ANKHD1: variants seen among roughly 807,000 people sequenced by gnomAD.
ANKHD1 encodes ankyrin repeat and KH domain-containing protein 1.
A neutral mutation model predicts 230.5 loss-of-function variants in ANKHD1; 31 were observed. That is an observed-to-expected ratio of 0.13 (90% CI 0.10 to 0.18). The LOEUF is 0.18. Among genes scored for constraint, ANKHD1 ranks in the 10% least tolerant of loss-of-function variants. ANKHD1 has a pLI of 1.00. For synonymous variants in ANKHD1, 1,074 were observed against 1,117.6 expected (o/e 0.96, Z 0.78); for missense variants, 2,256 against 3,071.3 (o/e 0.73, Z 6.27).
intron 15 of ANKHD1, among the ~76,000 whole-genome samples, chr5:140,499,161 T>C (rs1334983139): frequency 6.6e-6 from 1 of 152,056 alleles, no homozygotes; most frequent in African/African-American, 2.4e-5. Flanking sequence ...CTATGTGTTT[T>C]GAACTATATG....
In ANKHD1 at chr5:140,458,877, C is replaced by T; in HGVS notation, c.1480+15C>T. On this transcript the variant is annotated intron_variant, in intron 8 of 33. Coordinates refer to ENST00000360839, the MANE Select transcript of ANKHD1 (RefSeq NM_017747.3). ...CTTAGCACAAGGTAAAGCAGTTTTA[C>T]TTCTTTTAGAAAAATCAGTTTTCTT... 6.4e-7 allele frequency: 1 copy of T among 1,574,482 alleles called. No homozygotes were observed. The highest frequency in any genetic ancestry group is 8.6e-7 in the Non-Finnish European group (1 of 1,157,970).
Position 140,529,566 on chromosome 5 carries a change from C to T in ANKHD1, c.6620C>T (p.Ala2207Val). Residue 2207 changes from alanine to valine, a missense_variant, in exon 29 of 34, where the codon GCC becomes GTC. Ala to Val is a moderately conservative substitution (Grantham distance 64). Around this residue, in one of 13 missense-constraint regions of ANKHD1, gnomAD observed 778 missense variants for 966.5 expected, o/e 0.80. Transcript: ENST00000360839. ...NKSLPPTFGP[A>V]TLFNHFSSLF... ...TCTTTGCCACCTACATTTGGCCCAG[C>T]CACACTTTTCAATCACTTCAGCAGT... 2 of 1,614,212 alleles carry T rather than the reference C, an allele frequency of 1.2e-6. No individual in the cohort carries two copies. Among genetic ancestry groups the T allele is most frequent in the Non-Finnish European group, 1.7e-6 (2 of 1,180,032 alleles).
intron 24 of ANKHD1, among the ~76,000 whole-genome samples, chr5:140,520,931 A>T (rs1350645262): frequency 1.4e-5 from 2 of 138,410 alleles, no homozygotes; most frequent in Admixed American, 7.0e-5. Context: ...AAGTATAATA[A>T]AAAAAAAAAA....
At chr5:140,496,014 T>C (rs1458298706) in intron 14 of ANKHD1, among the ~76,000 whole-genome samples, 1 of 152,200 alleles carries the variant, frequency 6.6e-6, no homozygotes, top group East Asian at 1.9e-4. Context: ...CACTATCCCC[T>C]ACTTTGATCT....
chr5:140,507,215 A>G lies in ANKHD1; in HGVS notation c.3551+238A>G. 6.6e-6 allele frequency among the ~76,000 whole-genome samples: 1 copy of G among 152,214 alleles called. No homozygotes were observed. Among genetic ancestry groups the G allele is most frequent in the East Asian group, 1.9e-4 (1 of 5,200 alleles). The stretch of plus-strand genomic sequence containing the variant: ...TTTTGTTCTATGGCCTACCACCCTA[A>G]ACGTGCCCAATCTCATCTGATCTCA... On this transcript the variant is annotated intron_variant, in intron 19 of 33. Coordinates refer to ENST00000360839, the MANE Select transcript of ANKHD1 (RefSeq NM_017747.3). This position sits in a 1 kb window ranked among gnomAD's most constrained non-coding sequence, Gnocchi z 4.1.
chr5:140,492,914 C>T (rs1751871280), intron 14 of ANKHD1, among the ~76,000 whole-genome samples: 1 of 151,928 alleles, frequency 6.6e-6, no homozygotes, highest in African/African-American at 2.4e-5. Flanking sequence ...CATTCCTTCA[C>T]TGCCAATAAA....
intron 10 of ANKHD1, among the ~76,000 whole-genome samples, chr5:140,479,745 C>A (rs370229826): frequency 2.2e-5 from 3 of 136,864 alleles, no homozygotes; most frequent in Admixed American, 7.5e-5. Context: ...TATATATATA[C>A]TTATATATAT....
At chr5:140,449,678 G>T (rs964475274) in intron 7 of ANKHD1, among the ~76,000 whole-genome samples, 1 of 149,782 alleles carries the variant, frequency 6.7e-6, no homozygotes, top group African/African-American at 2.5e-5. Flanking sequence ...AAAAAAAAAA[G>T]AGTTATTAAT....
At chr5:140,480,018 A>G (rs1414214708) in intron 10 of ANKHD1, among the ~76,000 whole-genome samples, 2 of 151,844 alleles carry the variant, frequency 1.3e-5, no homozygotes, top group Non-Finnish European at 2.9e-5. Context: ...AGCAGGGCTA[A>G]CCCATAGGGA....
At position 140,529,697 on chromosome 5, in the gene ANKHD1, G is replaced by A. The variant is rs370838657; in HGVS notation, c.6751G>A (p.Gly2251Ser). Residue 2251 changes from glycine (G) to serine (S), a missense_variant, in exon 29 of 34, where the codon GGT (glycine) becomes AGT (serine). Around this residue, in one of 13 missense-constraint regions of ANKHD1, gnomAD observed 778 missense variants for 966.5 expected, o/e 0.80. Coordinates refer to ENST00000360839, the MANE Select transcript of ANKHD1 (RefSeq NM_017747.3). Reference protein sequence around the residue: ...ASFTVQSAFLGNSVLGHLENM... With the variant: ...ASFTVQSAFLSNSVLGHLENM... ...TTTCACTGTTCAGTCAGCGTTCCTGGGTAACTCAGTGCTTGGACACTTGGA... is the reference window on the plus strand; with the variant it reads ...TTTCACTGTTCAGTCAGCGTTCCTGAGTAACTCAGTGCTTGGACACTTGGA... 132 of 1,613,988 alleles carry A rather than the reference G, an allele frequency of 8.2e-5. No homozygotes were observed. The highest frequency in any genetic ancestry group is 1.1e-4 in the Non-Finnish European group (126 of 1,180,030).
chr5:140,451,672 C>T (rs147697336), intron 7 of ANKHD1, among the ~76,000 whole-genome samples: 3,429 of 152,102 alleles, frequency 0.023, 77 homozygotes, highest in Admixed American at 0.059. Flanking sequence ...CTATGCTTGG[C>T]TAATTTTTGT....
At chr5:140,517,226 A>G (rs9765491) in intron 24 of ANKHD1, among the ~76,000 whole-genome samples, 119,599 of 121,344 alleles carry the variant, frequency 0.99, 58,946 homozygotes, top group Middle Eastern at 1. Context: ...GATCAATTCA[A>G]CAAGAAGAGC....
intron 1 of ANKHD1, among the ~76,000 whole-genome samples, chr5:140,412,396 G>T (rs558229364): frequency 1.3e-5 from 2 of 152,130 alleles, no homozygotes; most frequent in Non-Finnish European, 2.9e-5. Context: ...GAGCTCAAGG[G>T]ATCCTCCTGC....
intron 5 of ANKHD1, 60 bp from the exon 6 acceptor site, chr5:140,445,682 A>G: frequency 7.7e-7 from 1 of 1,303,716 alleles, no homozygotes; most frequent in Non-Finnish European, 9.9e-7. Flanking sequence ...TCTTTTATTT[A>G]TTTTTATTTT....
intron 15 of ANKHD1, among the ~76,000 whole-genome samples, chr5:140,502,224 C>T (rs1581345792): frequency 6.6e-6 from 1 of 152,062 alleles, no homozygotes; most frequent in African/African-American, 2.4e-5. Context: ...TCCACATGCA[C>T]TTTTTAAATC....
chr5:140,429,806 A>G (rs1011729128), intron 1 of ANKHD1, among the ~76,000 whole-genome samples: 8 of 152,234 alleles, frequency 5.3e-5, no homozygotes, highest in Non-Finnish European at 7.3e-5. Flanking sequence ...GCATATTACT[A>G]TTATTGGAAG....
chr5:140,525,578 T>A (rs536887250), intron 25 of ANKHD1, among the ~76,000 whole-genome samples: 1 of 152,290 alleles, frequency 6.6e-6, no homozygotes, highest in Non-Finnish European at 1.5e-5. Context: ...AGTAAAAGAT[T>A]TCTTTATTTC....
intron 15 of ANKHD1, among the ~76,000 whole-genome samples, chr5:140,504,093 C>T (rs1411494549): frequency 2.6e-5 from 4 of 151,226 alleles, no homozygotes; most frequent in African/African-American, 4.9e-5. Context: ...AGCTCTGTCA[C>T]CCAGGCTGGA....
chr5:140,435,489 T>C (rs1376783129), intron 1 of ANKHD1, among the ~76,000 whole-genome samples: 7 of 151,920 alleles, frequency 4.6e-5, no homozygotes, highest in African/African-American at 1.7e-4. Flanking sequence ...CAAGCAATTC[T>C]GCCTCAGTCT....
Sources: allele counts gnomAD v4.1 joint callset (sites outside exome capture counted in the v4.1 genomes callset), GRCh38; gene constraint gnomAD v4.1.1; regional missense constraint gnomAD v4.1.1; non-coding constraint Gnocchi (gnomAD v3.1); transcripts MANE v1.5; gene names NCBI Gene and HGNC (gene_info 2026-07-23, HGNC 2026-07-21).